Variants in SCN9A observed in about 807,000 individuals in gnomAD.
SCN9A encodes sodium channel protein type 9 subunit alpha.
A neutral mutation model predicts 187.0 loss-of-function variants in SCN9A; 131 were observed. The ratio of observed to expected loss-of-function variants is 0.70; its 90% CI spans 0.61 to 0.81. The LOEUF is 0.81. Ranked by LOEUF, SCN9A falls within the 30% of genes least tolerant of loss-of-function variation. The pLI, the probability that SCN9A is intolerant of heterozygous loss-of-function variation, is 0.00. For missense variants in SCN9A, 2,252 were observed against 2,396.6 expected (o/e 0.94, Z 1.26); for synonymous variants, 809 against 808.6 (o/e 1.00, Z -0.01).
chr2:166,240,934 C>T (rs2106407838), intron 19 of SCN9A, among the ~76,000 whole-genome samples: 1 of 152,214 alleles, frequency 6.6e-6, no homozygotes, highest in Non-Finnish European at 1.5e-5. Flanking sequence ...GACATCAATC[C>T]ACTATATGTG....
chr2:166,291,765 C>T (rs1698081739), intron 9 of SCN9A, among the ~76,000 whole-genome samples: 1 of 152,126 alleles, frequency 6.6e-6, no homozygotes, highest in Non-Finnish European at 1.5e-5. Flanking sequence ...AGAAATAACA[C>T]CACACTTCTA....
chr2:166,326,959 C>A (rs534486080), intron 1 of SCN9A, among the ~76,000 whole-genome samples: 5 of 152,228 alleles, frequency 3.3e-5, no homozygotes, highest in African/African-American at 1.2e-4. Flanking sequence ...TATGGGTTAT[C>A]TTCAAATATT....
rs574675791 is a variant in SCN9A at position 166,283,387 on chromosome 2, C to T, written c.1974+1066G>A. Reference sequence around the variant, plus strand: ...TGGATTTGATGGAACTTTACTCTCACTTGAAATACTACATTGTCTGCAAAT... The same window carrying T: ...TGGATTTGATGGAACTTTACTCTCATTTGAAATACTACATTGTCTGCAAAT... On this transcript the variant is annotated intron_variant, in intron 12 of 26. Coordinates refer to ENST00000642356, the MANE Select transcript of SCN9A (RefSeq NM_001365536.1). Among the ~76,000 whole-genome samples, 133 of 152,244 alleles carry T rather than the reference C, an allele frequency of 8.7e-4. No homozygotes were observed. In the South Asian group the frequency reaches 0.026, roughly 30 times the overall value.
At chr2:166,317,054 A>T (rs1420551266) in intron 1 of SCN9A, among the ~76,000 whole-genome samples, 2 of 152,028 alleles carry the variant, frequency 1.3e-5, no homozygotes, top group Non-Finnish European at 2.9e-5. Flanking sequence ...ACACACAGAT[A>T]GATGTAAATT....
intron 7 of SCN9A, chr2:166,298,989 T>C (rs1458804487): frequency 6.6e-6 from 1 of 152,224 alleles, no homozygotes; most frequent in Non-Finnish European, 1.5e-5. Flanking sequence ...TCCCATCTTA[T>C]ACTTTGAGGA....
chr2:166,293,180 C>A, intron 9 of SCN9A, 51 bp downstream of exon 9: 1 of 1,513,706 alleles, frequency 6.6e-7, no homozygotes, highest in East Asian at 2.4e-5. Context: ...TAACATACAC[C>A]AGGTACATAT....
Position 166,204,064 on chromosome 2 carries a change from T to C in SCN9A, c.4665A>G (p.Ile1555Met). 1 of 1,612,384 alleles carries C rather than the reference T, an allele frequency of 6.2e-7. No individual in the cohort carries two copies. The highest frequency in any genetic ancestry group is 8.5e-7 in the Non-Finnish European group (1 of 1,178,912). Residue 1555 changes from isoleucine (I) to methionine (M), a missense_variant, in exon 26 of 27, where the codon ATA becomes ATG. Ile to Met is a conservative substitution (Grantham distance 10). Transcript: ENST00000642356. The stretch of plus-strand genomic sequence containing the variant: ...GCACACATTCTCCAGTGAAAAGGAT[T>C]ATAAAAACCACATTTATCCAATATA... Reference protein sequence around the residue: ...EVLYWINVVFIILFTGECVLK... With the variant: ...EVLYWINVVFMILFTGECVLK...
intron 26 of SCN9A, among the ~76,000 whole-genome samples, chr2:166,200,675 G>A (rs114511718): frequency 0.015 from 2,255 of 152,042 alleles, 48 homozygotes; most frequent in African/African-American, 0.051. Flanking sequence ...TTGCTCTGTC[G>A]CCAAAGCTGG....
At chr2:166,222,952 A>AC (rs1694673109) in intron 24 of SCN9A, among the ~76,000 whole-genome samples, 12 of 120,612 alleles carry the variant, frequency 9.9e-5, no homozygotes, top group South Asian at 4.6e-4. Flanking sequence ...CAACAAAAAA[A>AC]AAAAAAAAAA....
rs71428913 is a variant in SCN9A at position 166,310,438 on chromosome 2, A to T, written c.258+1061T>A. Among the ~76,000 whole-genome samples, 2 of 62,822 alleles carry T rather than the reference A, an allele frequency of 3.2e-5. 1 individual carries two copies. Among genetic ancestry groups the T allele is most frequent in the Non-Finnish European group, 6.3e-5 (2 of 31,874 alleles). The allele number at this position is 62,822 out of a possible 152,430, so 41.2% of individuals were successfully genotyped here. A position where few individuals can be genotyped will look rare whatever the true frequency, so the allele number is the denominator to read the frequency against. ...CAAACAACCCCATCAAAAAGTGGGC[A>T]AAGGACATGAACAGACACTTCTCAA... On this transcript the variant is annotated intron_variant, in intron 2 of 26. Transcript: ENST00000642356.
intron 1 of SCN9A, among the ~76,000 whole-genome samples, chr2:166,334,540 GT>G (rs1460336240): frequency 1.3e-5 from 2 of 151,976 alleles, no homozygotes; most frequent in African/African-American, 4.8e-5. Flanking sequence ...ACAATTTCTT[GT>G]TGTTTCTGAA....
At chr2:166,299,076 C>T (rs55951232) in intron 7 of SCN9A, among the ~76,000 whole-genome samples, 2,154 of 152,276 alleles carry the variant, frequency 0.014, 47 homozygotes, top group African/African-American at 0.049. Context: ...CCTCCTGTTT[C>T]GGTGGAGCTG....
chr2:166,228,742 C>T lies in SCN9A; in HGVS notation c.4155G>A (p.Leu1385=), dbSNP rs1694954266. 6.2e-7 allele frequency: 1 copy of T among 1,613,800 alleles called. No homozygotes were observed. The highest frequency in any genetic ancestry group is 8.5e-7 in the Non-Finnish European group (1 of 1,179,758). ...NVSQNVRWKN[L]KVNFDNVGLG... ...GTCCGACATTATCAAAGTTCACTTT[C>T]AGGTTTTTCCATCGCACATTTTGAC... The change falls in exon 22 of 27, where the codon CTG becomes CTA. Residue 1385 remains leucine (L), a synonymous_variant. Transcript: ENST00000642356.
At chr2:166,284,394 G>C (rs1297939520) in intron 12 of SCN9A, 59 bp downstream of exon 12, 17 of 1,544,832 alleles carry the variant, frequency 1.1e-5, no homozygotes, top group Non-Finnish European at 1.4e-5. Flanking sequence ...TCAGCAGAGA[G>C]ACTGACTGAT....
rs150001998 is a variant in SCN9A, at chr2:166,208,360, G to A, written c.4399-3896C>T. Reference sequence around the variant, plus strand: ...TCACTGCATTTGTGTTTGCTGAGAAGATAAATTGAGGTAATGCATGAAGAA... The same window carrying A: ...TCACTGCATTTGTGTTTGCTGAGAAAATAAATTGAGGTAATGCATGAAGAA... On this transcript the variant is annotated intron_variant, in intron 24 of 26. Transcript: ENST00000642356. Among the ~76,000 whole-genome samples the A allele has an allele frequency of 5.7e-3, 871 of 152,282 alleles. 6 individuals are homozygous for A. Among genetic ancestry groups the A allele is most frequent in the Non-Finnish European group, 6.9e-3 (468 of 68,022 alleles).
intron 1 of SCN9A, among the ~76,000 whole-genome samples, chr2:166,368,359 C>T (rs1700467879): frequency 6.6e-6 from 1 of 152,168 alleles, no homozygotes; most frequent in East Asian, 1.9e-4. Context: ...GCTGGCCTTG[C>T]ACAGTGGCTT....
chr2:166,331,506 C>A (rs1456451702), intron 1 of SCN9A, among the ~76,000 whole-genome samples: 4 of 152,176 alleles, frequency 2.6e-5, no homozygotes, highest in Admixed American at 1.3e-4. Context: ...ACTCTGTTAT[C>A]AATATCCTCA....
At chr2:166,324,243 A>G (rs1336748210) in intron 1 of SCN9A, among the ~76,000 whole-genome samples, 2 of 151,854 alleles carry the variant, frequency 1.3e-5, no homozygotes, top group African/African-American at 2.4e-5. Flanking sequence ...CAGTGAGCCG[A>G]GATCGCGCCA....
At chr2:166,250,984 T>C (rs1432298943) in intron 18 of SCN9A, among the ~76,000 whole-genome samples, 1 of 151,276 alleles carries the variant, frequency 6.6e-6, no homozygotes, top group Non-Finnish European at 1.5e-5. Context: ...CATACTAAAG[T>C]TTTGTTTTTG....
Sources: gnomAD v4.1 joint callset for allele counts (sites outside exome capture counted in the v4.1 genomes callset) on GRCh38, gnomAD v4.1.1 for gene constraint, MANE v1.5 for transcripts, NCBI Gene and HGNC (gene_info 2026-07-23, HGNC 2026-07-21) for gene names.